The following ENTREP2 variants were observed in gnomAD, a reference collection of about 807,000 sequenced individuals.
ENTREP2 encodes the protein endosomal transmembrane epsin interactor 2, also known as protein ENTREP2.
chr15:29,577,349 T>TGTGAGAGA, the ENTREP2 span, among the ~76,000 whole-genome samples: 8 of 144,336 alleles, frequency 5.5e-5, no homozygotes, highest in African/African-American at 2.1e-4. Flanking sequence ...TGTGTGTGTG[T>TGTGAGAGA]GAGAGAGAGA....
At chr15:29,281,702 G>A in the ENTREP2 span, among the ~76,000 whole-genome samples, 14 of 152,272 alleles carry the variant, frequency 9.2e-5, no homozygotes, top group Middle Eastern at 3.4e-3. Context: ...AACTTCCTTC[G>A]TTATTGAAAC....
the ENTREP2 span, among the ~76,000 whole-genome samples, chr15:29,175,095 C>T: frequency 6.6e-4 from 100 of 152,198 alleles, no homozygotes; most frequent in South Asian, 0.019. Flanking sequence ...GCTAGTGTCC[C>T]GGGTAGCAGC....
At chr15:29,600,516 A>G in the ENTREP2 span, among the ~76,000 whole-genome samples, 1 of 151,652 alleles carries the variant, frequency 6.6e-6, no homozygotes, top group Admixed American at 6.6e-5. Context: ...GATGATGATG[A>G]TCTCTCTCTC....
chr15:29,572,451 G>C, the ENTREP2 span, among the ~76,000 whole-genome samples: 1 of 152,164 alleles, frequency 6.6e-6, no homozygotes, highest in Admixed American at 6.5e-5. Flanking sequence ...AGTTATGTTC[G>C]CATTTGATCA....
At chr15:29,137,317 C>A in the ENTREP2 span, 2 of 889,910 alleles carry the variant, frequency 2.2e-6, no homozygotes, top group Non-Finnish European at 3.3e-6. Context: ...ACTGTCAAGC[C>A]ATGACTGCTA....
chr15:29,292,635 C>T, the ENTREP2 span, among the ~76,000 whole-genome samples: 1 of 152,180 alleles, frequency 6.6e-6, no homozygotes, highest in Non-Finnish European at 1.5e-5. Context: ...CCCTGCTCGG[C>T]CTCCCAAAGT....
At chr15:29,542,415 C>T in the ENTREP2 span, among the ~76,000 whole-genome samples, 1 of 152,058 alleles carries the variant, frequency 6.6e-6, no homozygotes, top group Non-Finnish European at 1.5e-5. Flanking sequence ...TCTCCTGCCT[C>T]AGCTTCCCGA....
chr15:29,612,661 A>T, the ENTREP2 span: 1 of 152,778 alleles, frequency 6.5e-6, no homozygotes. Context: ...CATAGCATGG[A>T]CCTACCAGTA....
the ENTREP2 span, among the ~76,000 whole-genome samples, chr15:29,515,178 G>A: frequency 6.6e-5 from 10 of 152,172 alleles, no homozygotes; most frequent in African/African-American, 1.2e-4. Flanking sequence ...TCCTGACTGC[G>A]GAGCAGGACC....
the ENTREP2 span, chr15:29,151,764 C>T: frequency 6.4e-7 from 1 of 1,551,846 alleles, no homozygotes; most frequent in Middle Eastern, 1.7e-4. Context: ...AGACCATCTG[C>T]ATACAGCACA....
chr15:29,589,974 C>T, the ENTREP2 span, among the ~76,000 whole-genome samples: 1 of 152,202 alleles, frequency 6.6e-6, no homozygotes, highest in Admixed American at 6.5e-5. Context: ...CTTCAGCATC[C>T]TCACACAGCT....
chr15:29,307,333 G>C, the ENTREP2 span, among the ~76,000 whole-genome samples: 1 of 151,726 alleles, frequency 6.6e-6, no homozygotes, highest in African/African-American at 2.4e-5. Flanking sequence ...TAAATAACCT[G>C]AACATGCTGA....
the ENTREP2 span, among the ~76,000 whole-genome samples, chr15:29,541,638 G>GA: frequency 6.6e-6 from 1 of 152,050 alleles, no homozygotes; most frequent in Non-Finnish European, 1.5e-5. Flanking sequence ...CCTTGTCTTA[G>GA]AAAAAAGGAA....
chr15:29,359,847 T>C, the ENTREP2 span, among the ~76,000 whole-genome samples: 11 of 152,214 alleles, frequency 7.2e-5, no homozygotes, highest in African/African-American at 2.7e-4. Flanking sequence ...CTACAGCAAT[T>C]TGATTAAATA....
the ENTREP2 span, among the ~76,000 whole-genome samples, chr15:29,207,332 G>A: frequency 6.6e-6 from 1 of 151,920 alleles, no homozygotes; most frequent in Non-Finnish European, 1.5e-5. Context: ...CGTTCCCAGC[G>A]AGTGTTACAG....
At chr15:29,650,200 T>C in the ENTREP2 span, among the ~76,000 whole-genome samples, 1 of 151,584 alleles carries the variant, frequency 6.6e-6, no homozygotes, top group South Asian at 2.1e-4. Flanking sequence ...AGTTAGACAA[T>C]GGTTTTTCCC....
chr15:29,577,319 T>TGTGTGTGTGTGC, the ENTREP2 span, among the ~76,000 whole-genome samples: 1 of 102,444 alleles, frequency 9.8e-6, no homozygotes, highest in Admixed American at 1.1e-4. Flanking sequence ...AAGAGGTGTG[T>TGTGTGTGTGTGC]GTGTGTGTGT....
At chr15:29,386,635 C>A in the ENTREP2 span, among the ~76,000 whole-genome samples, 1 of 152,234 alleles carries the variant, frequency 6.6e-6, no homozygotes, top group East Asian at 1.9e-4. Flanking sequence ...ATCCCTAACC[C>A]GCAATGTAAT....
the ENTREP2 span, among the ~76,000 whole-genome samples, chr15:29,165,509 C>A: frequency 2.0e-5 from 3 of 152,094 alleles, no homozygotes; most frequent in Non-Finnish European, 4.4e-5. Context: ...TTACAGTTGA[C>A]ACCACTGAAA....
Sources: gnomAD v4.1 joint callset for allele counts (sites outside exome capture counted in the v4.1 genomes callset) on GRCh38, gnomAD v4.1.1 for gene constraint, MANE v1.5 for transcripts, NCBI Gene and HGNC (gene_info 2026-07-23, HGNC 2026-07-21) for gene names.